Variants in ASPH observed in about 807,000 individuals in gnomAD.
ASPH encodes the protein aspartyl/asparaginyl beta-hydroxylase.
In ASPH, 100 loss-of-function variants were observed where a neutral mutation model predicts 118.4. That is an observed-to-expected ratio of 0.84 (90% CI 0.72 to 1.00). The LOEUF (loss-of-function observed/expected upper bound fraction) is 1.00. ASPH is among the 50% of genes least tolerant of loss of function. ASPH has a pLI of 0.00. For missense variants in ASPH, 920 were observed against 919.5 expected, an observed-to-expected ratio of 1.00 and a Z score of -0.01; for synonymous variants, 315 against 325.6, an observed-to-expected ratio of 0.97 and a Z score of 0.35.
chr8:61,633,131 A>G (rs1856305911), intron 13 of ASPH: 2 of 154,972 alleles, frequency 1.3e-5, no homozygotes, highest in Non-Finnish European at 2.9e-5. Flanking sequence ...CTTTATATTA[A>G]CTGGTGACAA....
chr8:61,626,193 C>A, intron 13 of ASPH: 1 of 1,415,086 alleles, frequency 7.1e-7, no homozygotes, highest in Non-Finnish European at 9.2e-7. Flanking sequence ...AATTGCTTCA[C>A]AAGATCTATC....
At chr8:61,606,694 T>G (rs1461109824) in intron 14 of ASPH, 1 of 152,174 alleles carries the variant, frequency 6.6e-6, no homozygotes, top group Non-Finnish European at 1.5e-5. Flanking sequence ...TGAATCAAAG[T>G]AGCAAAAGCG....
chr8:61,642,892 T>C lies in ASPH; in HGVS notation c.786A>G (p.Glu262=), dbSNP rs745383095. The C allele has an allele frequency of 1.9e-6, 3 of 1,554,236 alleles. No homozygotes were observed. Among genetic ancestry groups the C allele is most frequent in the South Asian group, 1.2e-5 (1 of 81,480 alleles). The change falls in exon 10 of 25, where the codon GAA becomes GAG. Residue 262 remains glutamate (E), a synonymous_variant. Coordinates refer to ENST00000379454, the MANE Select transcript of ASPH (RefSeq NM_004318.4). ...TDDVTYQVYE[E]QAVYEPLENE... Reference sequence around the variant, plus strand: ...AAAAAGAAAGCATTTGCAAACCTTGTTCCTCATAGACTTGGTATGTTACAT... The same window carrying C: ...AAAAAGAAAGCATTTGCAAACCTTGCTCCTCATAGACTTGGTATGTTACAT...
At chr8:61,516,518 C>T (rs906804660) in intron 24 of ASPH, among the ~76,000 whole-genome samples, 2 of 152,186 alleles carry the variant, frequency 1.3e-5, no homozygotes, top group African/African-American at 4.8e-5. Flanking sequence ...CCACTCAGAC[C>T]TCTACTAAGA....
intron 14 of ASPH, among the ~76,000 whole-genome samples, chr8:61,610,702 C>G (rs1847041911): frequency 1.3e-5 from 2 of 152,162 alleles, no homozygotes; most frequent in Admixed American, 1.3e-4. Context: ...TGCTCTTCAA[C>G]AACATGGAAA....
At chr8:61,513,153 T>C (rs962313569) in intron 24 of ASPH, among the ~76,000 whole-genome samples, 5 of 152,220 alleles carry the variant, frequency 3.3e-5, no homozygotes, top group African/African-American at 1.2e-4. Flanking sequence ...GATAACCTCC[T>C]CTTTTAGAAG....
intron 3 of ASPH, among the ~76,000 whole-genome samples, chr8:61,677,895 T>C (rs2151564067): frequency 6.6e-6 from 1 of 152,260 alleles, no homozygotes; most frequent in Middle Eastern, 3.4e-3. Context: ...ATGCAACGAA[T>C]ATGCAAAAGC....
chr8:61,653,135 T>C (rs954247787), intron 4 of ASPH, among the ~76,000 whole-genome samples: 12 of 152,168 alleles, frequency 7.9e-5, no homozygotes, highest in African/African-American at 2.7e-4. Context: ...ACAGGGAGGT[T>C]TGGGAAGTCT....
intron 1 of ASPH, among the ~76,000 whole-genome samples, chr8:61,698,665 C>G (rs1353044680): frequency 6.6e-6 from 1 of 152,146 alleles, no homozygotes; most frequent in East Asian, 1.9e-4. Context: ...ATGCCTTTGT[C>G]TTTCCTGTGA....
At chr8:61,542,911 C>G (rs552074336) in intron 21 of ASPH, among the ~76,000 whole-genome samples, 1 of 152,050 alleles carries the variant, frequency 6.6e-6, no homozygotes, top group Non-Finnish European at 1.5e-5. Flanking sequence ...GCCTTCTCTC[C>G]TCTATGGTTT....
At chr8:61,600,504 T>C (rs1207235862) in intron 14 of ASPH, among the ~76,000 whole-genome samples, 1 of 151,378 alleles carries the variant, frequency 6.6e-6, no homozygotes, top group Non-Finnish European at 1.5e-5. Flanking sequence ...AGAAAACTTT[T>C]AGACTTGATA....
At position 61,576,788 on chromosome 8, in the gene ASPH, C is replaced by A; in HGVS notation, c.1133G>T (p.Arg378Ile). The A allele has an allele frequency of 6.2e-7, 1 of 1,609,348 alleles. No individual in the cohort carries two copies. The change falls in exon 16 of 25, where the codon AGA becomes ATA. Residue 378 changes from arginine to isoleucine, a missense_variant. By Grantham distance (97) the Arg-to-Ile change is moderately conservative. Transcript: ENST00000379454. ...TCAGAATACCTGCGCCTTCCCATAT[C>A]TTGCTCGTGGACTCTGAGGGTATTT... Reference protein sequence around the residue: ...VRKYPQSPRARYGKAQCEDDL... With the variant: ...VRKYPQSPRAIYGKAQCEDDL...
At chr8:61,611,253 T>G (rs1847257709) in intron 14 of ASPH, among the ~76,000 whole-genome samples, 1 of 152,234 alleles carries the variant, frequency 6.6e-6, no homozygotes. Flanking sequence ...CCAAGTTTTT[T>G]GCTATATGGA....
intron 3 of ASPH, chr8:61,656,634 G>A (rs1813818809): frequency 6.6e-6 from 1 of 152,096 alleles, no homozygotes; most frequent in African/African-American, 2.4e-5. Context: ...AACATGATTT[G>A]GAAAACACAT....
intron 10 of ASPH, among the ~76,000 whole-genome samples, chr8:61,641,756 C>T (rs1181955488): frequency 1.3e-5 from 2 of 152,062 alleles, no homozygotes; most frequent in Non-Finnish European, 2.9e-5. Flanking sequence ...AAAGGAGGGA[C>T]CCTATGTTAC....
intron 20 of ASPH, 58 bp from the exon 21 acceptor site, chr8:61,548,266 AT>A: frequency 6.6e-7 from 1 of 1,507,416 alleles, no homozygotes; most frequent in Non-Finnish European, 8.9e-7. Flanking sequence ...ATTTTTATTA[AT>A]TTTAAAATTG....
At chr8:61,676,034 C>T (rs1445481231) in intron 3 of ASPH, 1 of 1,594,538 alleles carries the variant, frequency 6.3e-7, no homozygotes, top group Non-Finnish European at 8.5e-7. Context: ...GAGGCTGCTT[C>T]AGGTGTTCAT....
At chr8:61,709,054 A>C (rs1837444349) in intron 1 of ASPH, among the ~76,000 whole-genome samples, 1 of 152,132 alleles carries the variant, frequency 6.6e-6, no homozygotes, top group Non-Finnish European at 1.5e-5. Flanking sequence ...TTATTCACCA[A>C]GGGAGCTCAA....
intron 13 of ASPH, among the ~76,000 whole-genome samples, chr8:61,626,446 G>A (rs919973660): frequency 2.6e-5 from 4 of 151,960 alleles, no homozygotes; most frequent in African/African-American, 9.7e-5. Context: ...ACTACCGAAA[G>A]AAGCCCCTGG....
Sources: gnomAD v4.1 joint callset for allele counts (sites outside exome capture counted in the v4.1 genomes callset) on GRCh38, gnomAD v4.1.1 for gene constraint, MANE v1.5 for transcripts, NCBI Gene and HGNC (gene_info 2026-07-23, HGNC 2026-07-21) for gene names.